Variants in FSTL5 observed in about 807,000 individuals in gnomAD.
FSTL5 encodes follistatin like 5.
Under a neutral mutation model 89.1 loss-of-function variants are expected in FSTL5, and 62 were observed. The ratio of observed to expected loss-of-function variants is 0.70; its 90% CI spans 0.57 to 0.86. FSTL5 has a LOEUF of 0.86. Ranked by LOEUF, FSTL5 falls within the 40% of genes least tolerant of loss-of-function variation. The pLI is 0.00. For synonymous variants in FSTL5, 383 were observed against 346.2 expected (o/e 1.11, Z -1.18); for missense variants, 1,057 against 1,001.6 (o/e 1.06, Z -0.75).
chr4:161,721,813 A>G (rs769942445), intron 6 of FSTL5, among the ~76,000 whole-genome samples: 5 of 152,234 alleles, frequency 3.3e-5, no homozygotes, highest in Non-Finnish European at 7.3e-5. Flanking sequence ...CTTAATAGAA[A>G]TTCTTCAAAC....
intron 10 of FSTL5, among the ~76,000 whole-genome samples, chr4:161,525,586 T>A (rs73859240): frequency 0.049 from 7,435 of 152,060 alleles, 554 homozygotes; most frequent in African/African-American, 0.16. Flanking sequence ...TAAAAAAAAA[T>A]TTTTTTAAAA....
chr4:161,681,740 A>C (rs1349852877), intron 6 of FSTL5, among the ~76,000 whole-genome samples: 1 of 152,100 alleles, frequency 6.6e-6, no homozygotes, highest in African/African-American at 2.4e-5. Flanking sequence ...CCTAAATTTA[A>C]TTTAATAAAA....
chr4:161,536,878 T>G (rs1731638487), intron 10 of FSTL5, among the ~76,000 whole-genome samples: 1 of 152,178 alleles, frequency 6.6e-6, no homozygotes, highest in African/African-American at 2.4e-5. Context: ...ACAAACATTT[T>G]TAATTACTTG....
chr4:162,019,062 A>G (rs1326042777), intron 3 of FSTL5, among the ~76,000 whole-genome samples: 1 of 152,120 alleles, frequency 6.6e-6, no homozygotes, highest in Non-Finnish European at 1.5e-5. Flanking sequence ...GGGACTATAC[A>G]TTTGACTTTG....
intron 3 of FSTL5, among the ~76,000 whole-genome samples, chr4:161,936,732 A>G (rs773558155): frequency 3.9e-5 from 6 of 152,160 alleles, no homozygotes; most frequent in Admixed American, 1.3e-4. Flanking sequence ...TTATTCTTTC[A>G]GGACACAGCT....
At chr4:161,614,327 T>C (rs542841101) in intron 7 of FSTL5, among the ~76,000 whole-genome samples, 13 of 152,292 alleles carry the variant, frequency 8.5e-5, no homozygotes, top group East Asian at 5.8e-4. Flanking sequence ...AGAAGATAAA[T>C]TGAGCTCCTT....
Position 162,057,954 on chromosome 4 carries a change from A to T in FSTL5, c.127-24296T>A, listed in dbSNP as rs555097638. Among the ~76,000 whole-genome samples, 4 of 152,148 alleles carry T rather than the reference A, an allele frequency of 2.6e-5. No individual in the cohort carries two copies. In the East Asian group the frequency reaches 7.7e-4, roughly 29 times the overall value. ...GTGAGACTCCATCTCAAAAGAATAA[A>T]AATAATAATAATAATAATTCTGGGG... On this transcript the variant is annotated intron_variant, in intron 2 of 15. Transcript: ENST00000306100.
intron 6 of FSTL5, among the ~76,000 whole-genome samples, chr4:161,670,521 TA>T (rs1339187469): frequency 2.0e-5 from 3 of 152,214 alleles, no homozygotes; most frequent in Non-Finnish European, 4.4e-5. Flanking sequence ...CCATGTGGTG[TA>T]ATAGAATTTG....
chr4:161,685,841 T>C (rs1444972699), intron 6 of FSTL5, among the ~76,000 whole-genome samples: 2 of 152,074 alleles, frequency 1.3e-5, no homozygotes, highest in African/African-American at 4.8e-5. Context: ...TTGTTCCAGT[T>C]TTTGGAATGC....
chr4:161,907,345 G>C (rs1383239217), intron 4 of FSTL5, among the ~76,000 whole-genome samples: 1 of 151,950 alleles, frequency 6.6e-6, no homozygotes, highest in African/African-American at 2.4e-5. Flanking sequence ...CTTATACAGG[G>C]AATTAACACA....
At chr4:161,815,512 C>T (rs115563286) in intron 4 of FSTL5, among the ~76,000 whole-genome samples, 4,854 of 152,102 alleles carry the variant, frequency 0.032, 127 homozygotes, top group Admixed American at 0.04. Flanking sequence ...TCTGCAAATA[C>T]AGACAGCCTT....
intron 7 of FSTL5, among the ~76,000 whole-genome samples, chr4:161,593,975 A>G (rs1042799948): frequency 1.3e-5 from 2 of 152,198 alleles, no homozygotes; most frequent in African/African-American, 4.8e-5. Flanking sequence ...TCACGTGAAC[A>G]GTAAGCAGAT....
chr4:161,411,377 A>G (rs1427217551), intron 15 of FSTL5, among the ~76,000 whole-genome samples: 4 of 116,184 alleles, frequency 3.4e-5, no homozygotes, highest in East Asian at 2.2e-4. Flanking sequence ...GCAGAGACGG[A>G]AAAAAAAAAA....
At chr4:162,075,972 A>G (rs1193338977) in intron 2 of FSTL5, among the ~76,000 whole-genome samples, 2 of 151,848 alleles carry the variant, frequency 1.3e-5, no homozygotes, top group Non-Finnish European at 2.9e-5. Flanking sequence ...CTCATTATAT[A>G]AAAGTGATTT....
intron 6 of FSTL5, among the ~76,000 whole-genome samples, chr4:161,728,820 A>G (rs757275436): frequency 1.1e-4 from 16 of 152,248 alleles, no homozygotes; most frequent in South Asian, 4.1e-4. Flanking sequence ...AGATCTCCCA[A>G]TGAAAATTTT....
chr4:161,672,533 A>C (rs1579010394), intron 6 of FSTL5, among the ~76,000 whole-genome samples: 2 of 152,186 alleles, frequency 1.3e-5, no homozygotes, highest in Admixed American at 1.3e-4. Context: ...ATTCATGCTT[A>C]AGAGAGAGTT....
chr4:161,783,164 C>T (rs1319848079), intron 4 of FSTL5, among the ~76,000 whole-genome samples: 1 of 152,030 alleles, frequency 6.6e-6, no homozygotes, highest in African/African-American at 2.4e-5. Flanking sequence ...TATTTTACCC[C>T]CCAAAAATAC....
At chr4:161,683,883 T>C (rs1737612337) in intron 6 of FSTL5, among the ~76,000 whole-genome samples, 1 of 152,194 alleles carries the variant, frequency 6.6e-6, no homozygotes, top group Admixed American at 6.5e-5. Context: ...TGTGGTCTTT[T>C]ATCCCTCACC....
intron 6 of FSTL5, among the ~76,000 whole-genome samples, chr4:161,726,402 T>G (rs1291804631): frequency 2.0e-4 from 6 of 30,768 alleles, no homozygotes; most frequent in Admixed American, 5.0e-4. Context: ...AATTTTTGCA[T>G]TTTTTAGTAG....
Sources: allele counts gnomAD v4.1 joint callset (sites outside exome capture counted in the v4.1 genomes callset), GRCh38; gene constraint gnomAD v4.1.1; transcripts MANE v1.5; gene names NCBI Gene and HGNC (gene_info 2026-07-23, HGNC 2026-07-21).